The following LRCH2 variants were observed in gnomAD, a reference collection of about 807,000 sequenced individuals.
The protein encoded by LRCH2 is leucine rich repeats and calponin homology domain containing 2, also known as leucine-rich repeat and calponin homology domain-containing protein 2.
LRCH2 carries 38 observed loss-of-function variants against 68.9 expected under a neutral mutation model. The ratio of observed to expected loss-of-function variants is 0.55; its 90% CI spans 0.43 to 0.72. LRCH2 has a LOEUF of 0.72. Among genes scored for constraint, LRCH2 ranks in the 30% least tolerant of loss-of-function variants. The probability of loss-of-function intolerance (pLI) is 0.00; values close to 1 mark genes in which losing one functional copy is unlikely to be tolerated. For missense variants in LRCH2, 528 were observed against 572.9 expected, an observed-to-expected ratio of 0.92 and a Z score of 0.80; for synonymous variants, 191 against 208.1, an observed-to-expected ratio of 0.92 and a Z score of 0.71.
At chrX:115,170,767 A>G (rs1556547313) in intron 5 of LRCH2, among the ~76,000 whole-genome samples, 2 of 112,222 alleles carry the variant, frequency 1.8e-5, no homozygotes, top group Admixed American at 1.9e-4. Context: ...AATGAAAAAT[A>G]TATATTCATT....
intron 5 of LRCH2, among the ~76,000 whole-genome samples, chrX:115,177,915 T>G (rs1556551427): frequency 9.0e-6 from 1 of 111,317 alleles, no homozygotes; most frequent in Non-Finnish European, 1.9e-5. Flanking sequence ...GTTCTACATG[T>G]GTATTTAAAT....
At chrX:115,126,969 A>G in intron 15 of LRCH2, 76 bp from the exon 16 acceptor site, 1 of 687,592 alleles carries the variant, frequency 1.5e-6, no homozygotes, top group Non-Finnish European at 2.1e-6. Flanking sequence ...AAGGAAAATA[A>G]AAATTGTTCT....
rs1556544485 is a variant in LRCH2 at position 115,165,701 on chromosome X, T to C, written c.1199-46A>G. The C allele has an allele frequency of 3.2e-6, 3 of 949,091 alleles. No individual in the cohort carries two copies. In the Admixed American group the frequency reaches 8.8e-5, roughly 28 times the overall value. 78.2% of individuals were successfully genotyped at this position (949,091 alleles called of 1,213,427 possible). A position where few individuals can be genotyped will look rare whatever the true frequency, so the allele number is the denominator to read the frequency against. ...ATTAGAAAATGTACATAGTAAACTG[T>C]ATGCTTGACACTGCTGTCCTTAGAA... On this transcript the variant is annotated intron_variant, in intron 8 of 20. Transcript: ENST00000317135.
intron 1 of LRCH2, among the ~76,000 whole-genome samples, chrX:115,199,070 G>A (rs1481778591): frequency 8.9e-6 from 1 of 111,901 alleles, no homozygotes; most frequent in Non-Finnish European, 1.9e-5. Flanking sequence ...TACAAGAAAT[G>A]CTCAAAGAAG....
At chrX:115,175,080 T>C (rs2072636815) in intron 5 of LRCH2, among the ~76,000 whole-genome samples, 1 of 112,040 alleles carries the variant, frequency 8.9e-6, no homozygotes, top group South Asian at 3.7e-4. Context: ...AGGACAGGGT[T>C]CGGAAAGCTT....
At chrX:115,224,144 T>G (rs1229277962) in intron 1 of LRCH2, among the ~76,000 whole-genome samples, 2 of 111,540 alleles carry the variant, frequency 1.8e-5, no homozygotes, top group Non-Finnish European at 3.8e-5. Context: ...GTCATTTACA[T>G]AAAATGTACA....
At chrX:115,211,564 TA>T (rs782431079) in intron 1 of LRCH2, among the ~76,000 whole-genome samples, 1 of 111,186 alleles carries the variant, frequency 9.0e-6, no homozygotes, top group Non-Finnish European at 1.9e-5. Context: ...TTCCCAAAGG[TA>T]AAAAAAATGA....
At chrX:115,141,556 G>A (rs1403188980) in intron 14 of LRCH2, among the ~76,000 whole-genome samples, 4 of 110,565 alleles carry the variant, frequency 3.6e-5, no homozygotes, top group African/African-American at 6.6e-5. Flanking sequence ...ACTTTGAATA[G>A]AATTGGAGGC....
chrX:115,150,878 G>C (rs1015149845), intron 12 of LRCH2, among the ~76,000 whole-genome samples: 20 of 109,969 alleles, frequency 1.8e-4, no homozygotes, highest in African/African-American at 6.6e-4. Flanking sequence ...TGAGTTAAAA[G>C]ATATATTAGA....
intron 1 of LRCH2, among the ~76,000 whole-genome samples, chrX:115,189,073 G>T (rs2072756980): frequency 1.8e-5 from 2 of 111,190 alleles, no homozygotes; most frequent in African/African-American, 6.6e-5. Flanking sequence ...ACTTACCATG[G>T]ACTTCTTAAC....
intron 1 of LRCH2, among the ~76,000 whole-genome samples, chrX:115,199,171 A>G (rs1388798030): frequency 8.9e-6 from 1 of 112,277 alleles, no homozygotes; most frequent in East Asian, 2.8e-4. Flanking sequence ...CAAAGGAGGA[A>G]GAAAAAGGAA....
At chrX:115,155,836 G>C (rs189593332) in intron 12 of LRCH2, among the ~76,000 whole-genome samples, 1 of 111,686 alleles carries the variant, frequency 9.0e-6, no homozygotes, top group African/African-American at 3.2e-5. Context: ...GTGCCAGTGG[G>C]GGAATGTACA....
intron 1 of LRCH2, among the ~76,000 whole-genome samples, chrX:115,215,204 A>G (rs2073033492): frequency 8.9e-6 from 1 of 111,969 alleles, no homozygotes; most frequent in East Asian, 2.8e-4. Context: ...GTCACCTAAT[A>G]TTAGAATGGG....
Position 115,222,168 on chromosome X carries a change from G to A in LRCH2, c.349+11525C>T, listed in dbSNP as rs191459966. On this transcript the variant is annotated intron_variant, in intron 1 of 20. Transcript: ENST00000317135. ...AGGACAAAAACCATATGATTAACTC[G>A]ATAGAACAGAAAAAGCCTTTGACAA... Among the ~76,000 whole-genome samples, 22 of 111,181 alleles carry A rather than the reference G, an allele frequency of 2.0e-4. No individual in the cohort carries two copies. In the East Asian group the frequency reaches 5.7e-3, roughly 29 times the overall value.
In LRCH2 at chrX:115,156,683, C is replaced by A; in HGVS notation, c.1464-16G>T. The A allele has an allele frequency of 3.8e-6, 4 of 1,046,238 alleles. No homozygotes were observed. Among genetic ancestry groups the A allele is most frequent in the Non-Finnish European group, 5.1e-6 (4 of 786,943 alleles). 86.2% of individuals were successfully genotyped at this position (1,046,238 alleles called of 1,213,427 possible). A position where few individuals can be genotyped will look rare whatever the true frequency, so the allele number is the denominator to read the frequency against. ...ATTAAGAATCCTAGAAGTAAATCAA[C>A]ACATTAATTCCCAAATCTATTAAGA... On this transcript the variant is annotated splice_polypyrimidine_tract_variant and intron_variant, in intron 11 of 20. Transcript: ENST00000317135.
At chrX:115,164,456 C>A (rs1400857172) in intron 10 of LRCH2, among the ~76,000 whole-genome samples, 1 of 111,405 alleles carries the variant, frequency 9.0e-6, no homozygotes, top group African/African-American at 3.2e-5. Flanking sequence ...AAGCAACTGA[C>A]CTCATTAGAT....
intron 1 of LRCH2, among the ~76,000 whole-genome samples, chrX:115,215,525 T>A (rs1254551682): frequency 2.7e-5 from 3 of 110,038 alleles, no homozygotes; most frequent in Non-Finnish European, 5.7e-5. Context: ...TGCCGGAGGA[T>A]CACTTGAGGT....
intron 14 of LRCH2, among the ~76,000 whole-genome samples, chrX:115,145,335 T>C (rs892104951): frequency 1.8e-5 from 2 of 111,516 alleles, no homozygotes; most frequent in Non-Finnish European, 3.8e-5. Flanking sequence ...CTTCAATCTA[T>C]AAAACTGCTA....
At chrX:115,159,815 TCAGA>T (rs2072504440) in intron 11 of LRCH2, among the ~76,000 whole-genome samples, 1 of 110,103 alleles carries the variant, frequency 9.1e-6, no homozygotes, top group Non-Finnish European at 1.9e-5. Context: ...CACATCTTAA[TCAGA>T]CAAAGTGGAG....
Sources: gnomAD v4.1 joint callset for allele counts (sites outside exome capture counted in the v4.1 genomes callset) on GRCh38, gnomAD v4.1.1 for gene constraint, MANE v1.5 for transcripts, NCBI Gene and HGNC (gene_info 2026-07-23, HGNC 2026-07-21) for gene names.